PITPNC1: variants seen among roughly 807,000 people sequenced by gnomAD.
PITPNC1 encodes the protein phosphatidylinositol transfer protein cytoplasmic 1, also known as cytoplasmic phosphatidylinositol transfer protein 1.
PITPNC1 carries 18 observed loss-of-function variants against 44.7 expected under a neutral mutation model. The ratio of observed to expected loss-of-function variants is 0.40; its 90% CI spans 0.28 to 0.60. PITPNC1 has a LOEUF of 0.60. Ranked by LOEUF, PITPNC1 falls within the 20% of genes least tolerant of loss-of-function variation. PITPNC1 has a pLI of 0.39. For missense variants in PITPNC1, 290 were observed against 418.4 expected (o/e 0.69, Z 2.68); for synonymous variants, 141 against 149.6 (o/e 0.94, Z 0.42).
intron 8 of PITPNC1, among the ~76,000 whole-genome samples, chr17:67,679,741 G>C (rs1203076411): frequency 6.6e-6 from 1 of 152,178 alleles, no homozygotes; most frequent in Non-Finnish European, 1.5e-5. Context: ...AGCCGTGATT[G>C]GTCTTTATCC....
chr17:67,386,441 C>T (rs2038054764), intron 1 of PITPNC1, among the ~76,000 whole-genome samples: 1 of 152,200 alleles, frequency 6.6e-6, no homozygotes, highest in Non-Finnish European at 1.5e-5. Context: ...GATCCACCCG[C>T]CTCGGCCTCT....
intron 1 of PITPNC1, among the ~76,000 whole-genome samples, chr17:67,493,084 T>A: frequency 6.6e-6 from 1 of 152,230 alleles, no homozygotes; most frequent in Admixed American, 6.5e-5. Flanking sequence ...CCTATTAATT[T>A]TTTAAACACC....
At chr17:67,438,403 C>G (rs2038967322) in intron 1 of PITPNC1, among the ~76,000 whole-genome samples, 1 of 151,492 alleles carries the variant, frequency 6.6e-6, no homozygotes, top group Admixed American at 6.6e-5. Flanking sequence ...GCAACCTCTG[C>G]CTCCTGGGTT....
At chr17:67,684,133 A>G (rs113829502) in intron 8 of PITPNC1, among the ~76,000 whole-genome samples, 1,966 of 140,228 alleles carry the variant, frequency 0.014, 40 homozygotes, top group African/African-American at 0.05. Context: ...TTTTTTTGAG[A>G]CAGAGTCTTG....
intron 1 of PITPNC1, among the ~76,000 whole-genome samples, chr17:67,403,243 T>TAAAAAAAAAA (rs2038349475): frequency 1.7e-5 from 1 of 58,160 alleles, no homozygotes; most frequent in Non-Finnish European, 3.9e-5. Context: ...AAAAAAAAAG[T>TAAAAAAAAAA]CATGACTGCT....
At chr17:67,451,727 C>T (rs1300000661) in intron 1 of PITPNC1, among the ~76,000 whole-genome samples, 1 of 151,964 alleles carries the variant, frequency 6.6e-6, no homozygotes, top group African/African-American at 2.4e-5. Context: ...CAATCTCCGC[C>T]TCCCGGGTTC....
chr17:67,454,251 CA>C lies in PITPNC1; in HGVS notation c.48+76062del, dbSNP rs71293569. On this transcript the variant is annotated intron_variant, in intron 1 of 8. Transcript: ENST00000581322. ...GGGACACAGAGCAAGACTCCGTTCT[CA>C]AAAAAAAAAAAACAAAACCCAAAAG... 9.2e-4 allele frequency among the ~76,000 whole-genome samples: 122 copies of C among 132,810 alleles called. No individual in the cohort carries two copies. In the East Asian group the frequency reaches 0.015, roughly 17 times the overall value. 87.1% of individuals were successfully genotyped at this position (132,810 alleles called of 152,430 possible).
intron 8 of PITPNC1, among the ~76,000 whole-genome samples, chr17:67,689,988 T>A (rs80225439): frequency 0.022 from 3,383 of 152,314 alleles, 116 homozygotes; most frequent in African/African-American, 0.071. Context: ...TAGGTACAAT[T>A]TTTCTTGATA....
chr17:67,470,254 T>G (rs2039498881), intron 1 of PITPNC1, among the ~76,000 whole-genome samples: 1 of 152,130 alleles, frequency 6.6e-6, no homozygotes, highest in Non-Finnish European at 1.5e-5. Context: ...AGAATAGAAC[T>G]CACTTTAAGT....
intron 8 of PITPNC1, among the ~76,000 whole-genome samples, chr17:67,688,215 G>A (rs1358056590): frequency 6.6e-6 from 1 of 151,296 alleles, no homozygotes; most frequent in African/African-American, 2.4e-5. Flanking sequence ...GCGCATGCCT[G>A]TAATCCTAGC....
chr17:67,378,623 CGAG>C (rs1173591457), intron 1 of PITPNC1, among the ~76,000 whole-genome samples: 2 of 152,022 alleles, frequency 1.3e-5, no homozygotes, highest in Non-Finnish European at 2.9e-5. Context: ...GGTAGGGGTG[CGAG>C]GAGGAGCCCT....
At chr17:67,385,225 T>A (rs533979793) in intron 1 of PITPNC1, among the ~76,000 whole-genome samples, 12 of 152,268 alleles carry the variant, frequency 7.9e-5, no homozygotes, top group East Asian at 1.9e-4. Context: ...AATACGCTAA[T>A]CAGCAGGCTG....
intron 1 of PITPNC1, among the ~76,000 whole-genome samples, chr17:67,494,444 C>T (rs977828034): frequency 1.3e-5 from 2 of 152,014 alleles, no homozygotes; most frequent in South Asian, 4.1e-4. Flanking sequence ...GTGATCCACC[C>T]GCCTCGGCCT....
chr17:67,567,779 C>T (rs565060019), intron 4 of PITPNC1, among the ~76,000 whole-genome samples: 1 of 152,190 alleles, frequency 6.6e-6, no homozygotes, highest in East Asian at 1.9e-4. Flanking sequence ...TTGAGACCAG[C>T]CTGGCCAACA....
intron 1 of PITPNC1, among the ~76,000 whole-genome samples, chr17:67,463,054 G>A (rs2039366868): frequency 6.6e-6 from 1 of 152,214 alleles, no homozygotes; most frequent in Admixed American, 6.5e-5. Flanking sequence ...CTCAACTAAA[G>A]ACTTTGGTTT....
At chr17:67,684,230 G>A (rs1324908676) in intron 8 of PITPNC1, among the ~76,000 whole-genome samples, 1 of 150,278 alleles carries the variant, frequency 6.7e-6, no homozygotes, top group East Asian at 2.0e-4. Flanking sequence ...TTGTACCTCA[G>A]CCTCCTGAGT....
chr17:67,543,936 C>T lies in PITPNC1; in HGVS notation c.198-8321C>T, dbSNP rs1415996897. 3.3e-5 allele frequency among the ~76,000 whole-genome samples: 5 copies of T among 152,132 alleles called. 1 individual carries two copies. The highest frequency in any genetic ancestry group is 6.5e-5 in the Admixed American group (1 of 15,288). On this transcript the variant is annotated intron_variant, in intron 2 of 8. Transcript: ENST00000581322. ...TGTAATCTTGGCTCACTGCAACCTC[C>T]GCCTCCCAGGTTCAAGCGATTCTCC...
rs1568059388 is a variant in PITPNC1 at position 67,599,025 on chromosome 17, TA to T, written c.366+20769del. On this transcript the variant is annotated intron_variant, in intron 5 of 8. Transcript: ENST00000581322. ...ACATATATATATATATATATATATA[TA>T]TATATATATTTTTTTTTTTTTTTTT... Among the ~76,000 whole-genome samples, 145 of 32,238 alleles carry T rather than the reference TA, an allele frequency of 4.5e-3. 2 individuals carry two copies. The highest frequency in any genetic ancestry group is 6.3e-3 in the Non-Finnish European group (105 of 16,752). The allele number at this position is 32,238 out of a possible 152,430, so 21.1% of individuals were successfully genotyped here. A position where few individuals can be genotyped will look rare whatever the true frequency, so the allele number is the denominator to read the frequency against.
chr17:67,593,978 C>T (rs2144261329), intron 5 of PITPNC1, among the ~76,000 whole-genome samples: 1 of 152,250 alleles, frequency 6.6e-6, no homozygotes, highest in South Asian at 2.1e-4. Context: ...TGGATGGTGC[C>T]TTGGTGGGTG....
Sources: allele counts gnomAD v4.1 joint callset (sites outside exome capture counted in the v4.1 genomes callset), GRCh38; gene constraint gnomAD v4.1.1; transcripts MANE v1.5; gene names NCBI Gene and HGNC (gene_info 2026-07-23, HGNC 2026-07-21).